Variants in SGCD observed in about 807,000 individuals in gnomAD.
SGCD encodes sarcoglycan delta.
A neutral mutation model predicts 36.6 loss-of-function variants in SGCD; 18 were observed. The ratio of observed to expected loss-of-function variants is 0.49; its 90% CI spans 0.34 to 0.73. The LOEUF (loss-of-function observed/expected upper bound fraction) is 0.73. Among genes scored for constraint, SGCD ranks in the 30% least tolerant of loss-of-function variants. The pLI, the probability that SGCD is intolerant of heterozygous loss-of-function variation, is 0.01. For synonymous variants in SGCD, 133 were observed against 130.6 expected, an observed-to-expected ratio of 1.02 and a Z score of -0.12; for missense variants, 387 against 346.7, an observed-to-expected ratio of 1.12 and a Z score of -0.92.
At chr5:155,984,531 T>C (rs1350555742) in intron 1 of SGCD, among the ~76,000 whole-genome samples, 3 of 152,238 alleles carry the variant, frequency 2.0e-5, no homozygotes, top group African/African-American at 7.2e-5. Context: ...TTTTTATTTC[T>C]TTTATGGACA....
chr5:155,860,941 A>G, the SGCD span, among the ~76,000 whole-genome samples: 1 of 152,248 alleles, frequency 6.6e-6, no homozygotes, highest in Admixed American at 6.5e-5. Flanking sequence ...ACTCTTTGGC[A>G]TATAATAAAT....
At chr5:155,953,495 C>T (rs1441193266) in intron 1 of SGCD, among the ~76,000 whole-genome samples, 1 of 152,118 alleles carries the variant, frequency 6.6e-6, no homozygotes, top group East Asian at 1.9e-4. Flanking sequence ...GCAGATAAGC[C>T]GTTCATTCAA....
chr5:156,237,815 A>G (rs1018396508), intron 3 of SGCD, among the ~76,000 whole-genome samples: 1 of 152,188 alleles, frequency 6.6e-6, no homozygotes, highest in Non-Finnish European at 1.5e-5. Context: ...TTGAGCCCCA[A>G]CTATGTGCCA....
intron 6 of SGCD, among the ~76,000 whole-genome samples, chr5:156,601,914 C>G (rs1581235049): frequency 6.6e-6 from 1 of 152,254 alleles, no homozygotes; most frequent in African/African-American, 2.4e-5. Context: ...ATCTCCTGAC[C>G]TTGTGATCTG....
At chr5:156,143,770 G>A (rs1018239270) in intron 3 of SGCD, among the ~76,000 whole-genome samples, 2 of 151,840 alleles carry the variant, frequency 1.3e-5, no homozygotes, top group Admixed American at 6.6e-5. Flanking sequence ...AAGTTTTAGG[G>A]TACATGTGTA....
intron 1 of SGCD, among the ~76,000 whole-genome samples, chr5:156,001,236 A>G (rs1200554942): frequency 1.3e-5 from 2 of 152,168 alleles, no homozygotes; most frequent in African/African-American, 4.8e-5. Context: ...TTAGATCTGA[A>G]ACAGCTGTTT....
intron 3 of SGCD, among the ~76,000 whole-genome samples, chr5:156,218,772 T>A (rs1291108074): frequency 6.6e-6 from 1 of 152,200 alleles, no homozygotes; most frequent in African/African-American, 2.4e-5. Flanking sequence ...TATGTACATG[T>A]GTATATTCAG....
chr5:155,784,900 T>C, the SGCD span, among the ~76,000 whole-genome samples: 10 of 152,166 alleles, frequency 6.6e-5, no homozygotes, highest in Non-Finnish European at 1.3e-4. Flanking sequence ...GATTCTCTTT[T>C]TTCTCATTAA....
chr5:155,921,079 C>A (rs1450333817), intron 1 of SGCD, among the ~76,000 whole-genome samples: 1 of 151,866 alleles, frequency 6.6e-6, no homozygotes, highest in Non-Finnish European at 1.5e-5. Context: ...GAAAAGGAGC[C>A]CAGGATAAAA....
chr5:156,301,955 T>C (rs1305554253), intron 3 of SGCD, among the ~76,000 whole-genome samples: 1 of 152,098 alleles, frequency 6.6e-6, no homozygotes, highest in African/African-American at 2.4e-5. Context: ...CCTTGATCTT[T>C]GGAAGTTTGA....
chr5:155,814,352 C>T, the SGCD span, among the ~76,000 whole-genome samples: 2 of 152,226 alleles, frequency 1.3e-5, no homozygotes, highest in Admixed American at 1.3e-4. Context: ...TCTGAGGACA[C>T]TTTCTTTATC....
chr5:156,437,043 C>T (rs1753275346), intron 3 of SGCD, among the ~76,000 whole-genome samples: 1 of 152,048 alleles, frequency 6.6e-6, no homozygotes, highest in Non-Finnish European at 1.5e-5. Context: ...CCATTCATTT[C>T]TCACAGTTGT....
At chr5:156,606,742 C>G (rs1034955350) in intron 6 of SGCD, among the ~76,000 whole-genome samples, 11 of 152,110 alleles carry the variant, frequency 7.2e-5, no homozygotes, top group Non-Finnish European at 1.6e-4. Context: ...GTTTGTAGTT[C>G]TCCTTGAAGA....
chr5:156,374,309 A>G (rs896202638), intron 3 of SGCD, among the ~76,000 whole-genome samples: 3 of 152,332 alleles, frequency 2.0e-5, no homozygotes, highest in Middle Eastern at 6.8e-3. Context: ...CTTGATCACA[A>G]TAACTAGGGT....
At chr5:156,292,130 G>T (rs2127678593) in intron 3 of SGCD, among the ~76,000 whole-genome samples, 1 of 152,110 alleles carries the variant, frequency 6.6e-6, no homozygotes, top group African/African-American at 2.4e-5. Context: ...CTTAACATCA[G>T]GTCCTCCAGT....
At chr5:156,084,349 T>C (rs189619917) in intron 1 of SGCD, among the ~76,000 whole-genome samples, 23 of 152,342 alleles carry the variant, frequency 1.5e-4, no homozygotes, top group Non-Finnish European at 3.1e-4. Context: ...CATTTTCTTA[T>C]GAATGACTAT....
chr5:156,212,689 C>A (rs980183292), intron 3 of SGCD, among the ~76,000 whole-genome samples: 4 of 152,048 alleles, frequency 2.6e-5, no homozygotes, highest in Non-Finnish European at 4.4e-5. Context: ...CCAGTCAGAG[C>A]AGAATACACA....
At chr5:156,100,466 T>C (rs995070065) in intron 1 of SGCD, among the ~76,000 whole-genome samples, 3 of 152,182 alleles carry the variant, frequency 2.0e-5, no homozygotes, top group Non-Finnish European at 4.4e-5. Context: ...GCATGTGTTT[T>C]GTGTTTTCAT....
intron 1 of SGCD, among the ~76,000 whole-genome samples, chr5:155,940,373 T>A (rs535698482): frequency 7.2e-5 from 11 of 152,164 alleles, no homozygotes; most frequent in Non-Finnish European, 1.2e-4. Flanking sequence ...AGTAACAGAT[T>A]TCCTGGATTC....
Sources: gnomAD v4.1 joint callset for allele counts (sites outside exome capture counted in the v4.1 genomes callset) on GRCh38, gnomAD v4.1.1 for gene constraint, MANE v1.5 for transcripts, NCBI Gene and HGNC (gene_info 2026-07-23, HGNC 2026-07-21) for gene names.